Variants in NCOA7 observed in about 807,000 individuals in gnomAD.
NCOA7 encodes nuclear receptor coactivator 7.
Under a neutral mutation model 104.3 loss-of-function variants are expected in NCOA7, and 45 were observed. The observed-to-expected ratio is 0.43, with a 90% CI of 0.34 to 0.55. NCOA7 has a LOEUF of 0.55. NCOA7 is among the 20% of genes least tolerant of loss of function. The pLI is 0.02. For synonymous variants in NCOA7, 398 were observed against 402.3 expected (o/e 0.99, Z 0.13); for missense variants, 1,041 against 1,119.7 (o/e 0.93, Z 1.00).
At chr6:125,873,534 C>G (rs1783106867) in intron 3 of NCOA7, among the ~76,000 whole-genome samples, 1 of 152,184 alleles carries the variant, frequency 6.6e-6, no homozygotes, top group Admixed American at 6.5e-5. Context: ...TCTGGAATCT[C>G]AGAGCTTACC....
chr6:125,807,744 TATACTC>T (rs1776592447), intron 1 of NCOA7, among the ~76,000 whole-genome samples: 1 of 152,120 alleles, frequency 6.6e-6, no homozygotes, highest in Non-Finnish European at 1.5e-5. Flanking sequence ...CAGTGGGAAA[TATACTC>T]ATGAGGACAG....
At chr6:125,802,626 C>T (rs1318174670) in intron 1 of NCOA7, among the ~76,000 whole-genome samples, 3 of 152,170 alleles carry the variant, frequency 2.0e-5, no homozygotes, top group African/African-American at 7.2e-5. Flanking sequence ...TGCAAAGCAT[C>T]ACAGAGCTGC....
rs771192303 is a variant in NCOA7 at position 125,874,889 on chromosome 6, A to G, written c.272A>G (p.Asp91Gly). The change falls in exon 4 of 16, where the codon GAT becomes GGT. Residue 91 changes from aspartate (D) to glycine (G), a missense_variant and splice_region_variant. Physicochemically the swap from Asp to Gly is moderately conservative, Grantham distance 94 (BLOSUM62 -1). Coordinates refer to ENST00000392477, the MANE Select transcript of NCOA7 (RefSeq NM_181782.5). ...RTELKRYYSI[D>G]DNQNKTHDKK... The stretch of plus-strand genomic sequence containing the variant: ...CATTTACATACAATTTATTCTTCAG[A>G]TGACAATCAAAACAAAACACATGAT... The G allele has an allele frequency of 2.5e-6, 4 of 1,610,730 alleles. No homozygotes were observed. The Admixed American group carries it at 5.0e-5, about 20-fold the overall frequency.
intron 2 of NCOA7, among the ~76,000 whole-genome samples, chr6:125,834,322 GA>G (rs969628916): frequency 6.6e-6 from 1 of 152,058 alleles, no homozygotes; most frequent in African/African-American, 2.4e-5. Flanking sequence ...GTAGGTAAAA[GA>G]AAATTCTTTA....
intron 2 of NCOA7, among the ~76,000 whole-genome samples, chr6:125,822,951 C>CA (rs1484711276): frequency 1.5e-3 from 211 of 136,876 alleles, no homozygotes; most frequent in African/African-American, 5.4e-3. Flanking sequence ...AAAAAAAAAA[C>CA]AACAAAAAAA....
chr6:125,827,799 A>G (rs1473344531), intron 2 of NCOA7, among the ~76,000 whole-genome samples: 4 of 152,214 alleles, frequency 2.6e-5, no homozygotes. Flanking sequence ...CCTTGAACAC[A>G]GTGCTTTTTT....
intron 3 of NCOA7, among the ~76,000 whole-genome samples, chr6:125,859,373 C>A (rs1781855272): frequency 6.6e-6 from 1 of 152,118 alleles, no homozygotes; most frequent in Non-Finnish European, 1.5e-5. Flanking sequence ...ATGTGAAAGG[C>A]CTACAAATTG....
In NCOA7 at chr6:125,889,652, G is replaced by A. The variant is rs747527317; in HGVS notation, c.1598G>A (p.Gly533Glu). The A allele has an allele frequency of 3.7e-6, 6 of 1,613,960 alleles. No homozygotes were observed. The highest frequency in any genetic ancestry group is 5.1e-6 in the Non-Finnish European group (6 of 1,179,980). ...IEYYLTKNKEGPQVSENLQKT... is the reference protein window; with the variant it reads ...IEYYLTKNKEEPQVSENLQKT... ...TATTACCTGACTAAGAACAAAGAAGGGCCACAGGTATCTGAAAATTTGCAG... is the reference window on the plus strand; with the variant it reads ...TATTACCTGACTAAGAACAAAGAAGAGCCACAGGTATCTGAAAATTTGCAG... Residue 533 changes from glycine (G) to glutamate (E), a missense_variant, in exon 9 of 16, where the codon GGG (glycine) becomes GAG (glutamate). Coordinates refer to ENST00000392477, the MANE Select transcript of NCOA7 (RefSeq NM_181782.5).
chr6:125,854,500 CAT>C (rs949183358), intron 2 of NCOA7, among the ~76,000 whole-genome samples: 1 of 152,090 alleles, frequency 6.6e-6, no homozygotes, highest in African/African-American at 2.4e-5. Flanking sequence ...CTACTATTGC[CAT>C]ATGTTTAAAG....
intron 1 of NCOA7, among the ~76,000 whole-genome samples, chr6:125,805,743 A>G (rs1047559381): frequency 6.6e-6 from 1 of 152,152 alleles, no homozygotes; most frequent in Non-Finnish European, 1.5e-5. Flanking sequence ...CTTTGTATTC[A>G]CTAGGTCTGC....
chr6:125,919,096 T>A, intron 11 of NCOA7: 1 of 593,292 alleles, frequency 1.7e-6, no homozygotes, highest in Non-Finnish European at 2.7e-6. Context: ...AAACCACCGT[T>A]TCAAAGGTGA....
intron 10 of NCOA7, among the ~76,000 whole-genome samples, chr6:125,913,920 C>T (rs947247890): frequency 2.6e-5 from 4 of 152,098 alleles, no homozygotes; most frequent in East Asian, 1.9e-4. Context: ...CTGAAAGGAA[C>T]GCAAATGGAG....
intron 2 of NCOA7, among the ~76,000 whole-genome samples, chr6:125,817,023 A>G (rs555551813): frequency 1.8e-3 from 269 of 152,308 alleles, no homozygotes; most frequent in Admixed American, 4.1e-3. Context: ...AACCTTTGGC[A>G]TTTAGCTTTT....
At position 125,904,942 on chromosome 6, in the gene NCOA7, C is replaced by G. The variant is rs1255903779; in HGVS notation, c.2097-10391C>G. 2.0e-5 allele frequency among the ~76,000 whole-genome samples: 3 copies of G among 152,366 alleles called. No individual in the cohort carries two copies. In the South Asian group the frequency reaches 6.2e-4, roughly 32 times the overall value. On this transcript the variant is annotated intron_variant, in intron 10 of 15. Coordinates refer to ENST00000392477, the MANE Select transcript of NCOA7 (RefSeq NM_181782.5). ...ATTAGTGGTTTCTTGGGACCCAGTA[C>G]TTGACCCAGTTCTCTGTTCATGGGT...
In NCOA7 at chr6:125,794,946, G is replaced by A. The variant is rs868047993; in HGVS notation, c.-65+3879G>A. 2.0e-4 allele frequency among the ~76,000 whole-genome samples: 31 copies of A among 151,470 alleles called. 2 individuals carry two copies. Among genetic ancestry groups the A allele is most frequent in the African/African-American group, 2.4e-5 (1 of 40,974 alleles). On this transcript the variant is annotated intron_variant, in intron 1 of 15. Coordinates refer to ENST00000392477, the MANE Select transcript of NCOA7 (RefSeq NM_181782.5). ...AGTGAATCGACAATCTGACCTTCGC[G>A]TCAGTGATTCATGTGATTTATCCTT...
At chr6:125,818,195 CAAAGTGATTCCTGTAGT>C (rs1777781149) in intron 2 of NCOA7, among the ~76,000 whole-genome samples, 1 of 152,040 alleles carries the variant, frequency 6.6e-6, no homozygotes, top group African/African-American at 2.4e-5. Flanking sequence ...AGCCTGAATC[CAAAGTGATTCCTGTAGT>C]AAAGGTAACT....
chr6:125,879,571 A>G (rs1290996673), intron 5 of NCOA7, among the ~76,000 whole-genome samples: 1 of 152,102 alleles, frequency 6.6e-6, no homozygotes. Context: ...TGTTGTCTCA[A>G]ATATTTTCTG....
intron 2 of NCOA7, among the ~76,000 whole-genome samples, chr6:125,830,727 A>ATTT (rs1779095017): frequency 8.2e-6 from 1 of 121,896 alleles, no homozygotes; most frequent in Non-Finnish European, 1.9e-5. Context: ...TATTTTATAT[A>ATTT]TATATATATA....
chr6:125,900,556 A>T (rs1170290170), intron 10 of NCOA7, among the ~76,000 whole-genome samples: 1 of 152,236 alleles, frequency 6.6e-6, no homozygotes, highest in Non-Finnish European at 1.5e-5. Flanking sequence ...GTTCAACCTG[A>T]TGATTTCATG....
Sources: gnomAD v4.1 joint callset for allele counts (sites outside exome capture counted in the v4.1 genomes callset) on GRCh38, gnomAD v4.1.1 for gene constraint, MANE v1.5 for transcripts, NCBI Gene and HGNC (gene_info 2026-07-23, HGNC 2026-07-21) for gene names.